PACRG: variants seen among roughly 807,000 people sequenced by gnomAD.
PACRG encodes the protein parkin coregulated gene protein.
In PACRG, 29 loss-of-function variants were observed where a neutral mutation model predicts 29.7. That is an observed-to-expected ratio of 0.98 (90% CI 0.73 to 1.33). The LOEUF is 1.33. Among genes scored for constraint, PACRG ranks in the 40% most tolerant of loss-of-function variants. The pLI is 0.00. For synonymous variants in PACRG, 116 were observed against 118.7 expected, an observed-to-expected ratio of 0.98 and a Z score of 0.15; for missense variants, 279 against 316.2, an observed-to-expected ratio of 0.88 and a Z score of 0.89.
chr6:162,832,563 A>G (rs564276623), intron 2 of PACRG, among the ~76,000 whole-genome samples: 2 of 152,280 alleles, frequency 1.3e-5, no homozygotes, highest in South Asian at 2.1e-4. Flanking sequence ...TACAAATTCT[A>G]AACAACTTGT....
intron 1 of PACRG, among the ~76,000 whole-genome samples, chr6:162,735,752 T>G (rs1252995182): frequency 3.3e-5 from 5 of 152,204 alleles, no homozygotes; most frequent in Non-Finnish European, 7.3e-5. Flanking sequence ...TTACATACTT[T>G]GTGAAGAAAA....
At chr6:162,839,949 C>T (rs1448825288) in intron 2 of PACRG, among the ~76,000 whole-genome samples, 2 of 131,744 alleles carry the variant, frequency 1.5e-5, no homozygotes, top group African/African-American at 5.8e-5. Context: ...TTCCATTGAT[C>T]TATATCTCTG....
At chr6:163,133,208 A>G (rs1240586464) in intron 4 of PACRG, among the ~76,000 whole-genome samples, 1 of 152,198 alleles carries the variant, frequency 6.6e-6, no homozygotes, top group African/African-American at 2.4e-5. Flanking sequence ...TTAATAGGCC[A>G]GGTCTGGAAG....
At chr6:162,798,238 A>G (rs181188958) in intron 1 of PACRG, among the ~76,000 whole-genome samples, 1 of 151,972 alleles carries the variant, frequency 6.6e-6, no homozygotes, top group Non-Finnish European at 1.5e-5. Flanking sequence ...TTGTTTATGT[A>G]TTTATTTGTG....
chr6:162,928,045 G>C (rs555273053), intron 2 of PACRG, among the ~76,000 whole-genome samples: 6 of 152,162 alleles, frequency 3.9e-5, no homozygotes, highest in African/African-American at 1.4e-4. Flanking sequence ...CTCATAGAAT[G>C]TGTTTGGGAG....
intron 4 of PACRG, among the ~76,000 whole-genome samples, chr6:163,171,121 G>A (rs1413540652): frequency 6.6e-6 from 1 of 152,218 alleles, no homozygotes; most frequent in Non-Finnish European, 1.5e-5. Flanking sequence ...TAAAAGCAAA[G>A]TAGAACATGC....
intron 1 of PACRG, among the ~76,000 whole-genome samples, chr6:162,744,580 G>A (rs989026205): frequency 3.3e-5 from 5 of 152,054 alleles, no homozygotes; most frequent in African/African-American, 1.2e-4. Context: ...GTGACACAGC[G>A]AGACCCCATC....
intron 4 of PACRG, among the ~76,000 whole-genome samples, chr6:163,154,956 T>A (rs1485117576): frequency 6.7e-6 from 1 of 149,258 alleles, no homozygotes; most frequent in Non-Finnish European, 1.5e-5. Flanking sequence ...GAGCACTTTT[T>A]AAAAATTAAA....
chr6:163,302,664 T>G (rs1785048018), intron 4 of PACRG, among the ~76,000 whole-genome samples: 1 of 152,244 alleles, frequency 6.6e-6, no homozygotes, highest in African/African-American at 2.4e-5. Flanking sequence ...ATTCAAATTT[T>G]GCATCCATTA....
chr6:163,187,831 G>C (rs923631351), intron 4 of PACRG: 3 of 152,432 alleles, frequency 2.0e-5, no homozygotes, highest in Non-Finnish European at 4.4e-5. Flanking sequence ...CCTGTTACGC[G>C]CCTGTCCGCT....
At chr6:162,928,057 A>G (rs1797581578) in intron 2 of PACRG, among the ~76,000 whole-genome samples, 1 of 151,998 alleles carries the variant, frequency 6.6e-6, no homozygotes, top group Non-Finnish European at 1.5e-5. Context: ...GTTTGGGAGA[A>G]TTCTCTCCTC....
At chr6:162,903,742 C>G (rs1347121574) in intron 2 of PACRG, among the ~76,000 whole-genome samples, 1 of 152,134 alleles carries the variant, frequency 6.6e-6, no homozygotes, top group Non-Finnish European at 1.5e-5. Context: ...TTATGACTGT[C>G]TCTTACTTTT....
At chr6:162,886,392 G>A (rs896403440) in intron 2 of PACRG, among the ~76,000 whole-genome samples, 7 of 151,996 alleles carry the variant, frequency 4.6e-5, no homozygotes, top group African/African-American at 1.2e-4. Flanking sequence ...CATTTATTCC[G>A]GGTTTTTCCT....
intron 4 of PACRG, among the ~76,000 whole-genome samples, chr6:163,236,083 C>T (rs1782226064): frequency 6.6e-6 from 1 of 151,994 alleles, no homozygotes; most frequent in South Asian, 2.1e-4. Flanking sequence ...TATGTCAGGG[C>T]AGCAATGGCT....
intron 2 of PACRG, among the ~76,000 whole-genome samples, chr6:162,925,282 GAAA>G (rs1245592025): frequency 6.6e-6 from 1 of 152,106 alleles, no homozygotes; most frequent in Non-Finnish European, 1.5e-5. Flanking sequence ...CCAAACAACT[GAAA>G]AGGAGGGACT....
At chr6:163,303,316 C>T (rs1157409768) in intron 4 of PACRG, among the ~76,000 whole-genome samples, 5 of 151,782 alleles carry the variant, frequency 3.3e-5, no homozygotes, top group Non-Finnish European at 5.9e-5. Context: ...AGCGTGAGAC[C>T]CTGTCTCACA....
intron 4 of PACRG, among the ~76,000 whole-genome samples, chr6:163,150,226 C>T (rs1000264195): frequency 6.6e-6 from 1 of 152,196 alleles, no homozygotes; most frequent in Non-Finnish European, 1.5e-5. Context: ...GGAGTGATCA[C>T]ATCTAGCTAA....
intron 2 of PACRG, among the ~76,000 whole-genome samples, chr6:162,866,708 A>T (rs1792325793): frequency 6.6e-6 from 1 of 152,192 alleles, no homozygotes; most frequent in Non-Finnish European, 1.5e-5. Flanking sequence ...GTTTGAGGGA[A>T]CTTAAAAGAC....
intron 4 of PACRG, among the ~76,000 whole-genome samples, chr6:163,135,356 T>C (rs1409863746): frequency 6.6e-6 from 1 of 152,034 alleles, no homozygotes; most frequent in Non-Finnish European, 1.5e-5. Context: ...GCCTGGCTAA[T>C]TTTTGTATTT....
Sources: allele counts gnomAD v4.1 joint callset (sites outside exome capture counted in the v4.1 genomes callset), GRCh38; gene constraint gnomAD v4.1.1; transcripts MANE v1.5; gene names NCBI Gene and HGNC (gene_info 2026-07-23, HGNC 2026-07-21).